Variants in SLC44A5 observed in about 807,000 individuals in gnomAD.
The protein encoded by SLC44A5 is choline transporter-like protein 5.
In SLC44A5, 57 loss-of-function variants were observed where a neutral mutation model predicts 101.8. The ratio of observed to expected loss-of-function variants is 0.56; its 90% CI spans 0.45 to 0.70. The LOEUF is 0.70. SLC44A5 is among the 30% of genes least tolerant of loss of function. The probability of loss-of-function intolerance (pLI) is 0.00; values close to 1 mark genes in which losing one functional copy is unlikely to be tolerated. For synonymous variants in SLC44A5, 281 were observed against 290.9 expected, an observed-to-expected ratio of 0.97 and a Z score of 0.35; for missense variants, 737 against 853.1, an observed-to-expected ratio of 0.86 and a Z score of 1.70.
the SLC44A5 span, among the ~76,000 whole-genome samples, chr1:75,642,831 T>C: frequency 6.6e-6 from 1 of 152,122 alleles, no homozygotes; most frequent in African/African-American, 2.4e-5. Flanking sequence ...AAGAGAACAG[T>C]ACTTTTAAAC....
the SLC44A5 span, among the ~76,000 whole-genome samples, chr1:75,689,931 C>G: frequency 6.6e-6 from 1 of 152,100 alleles, no homozygotes; most frequent in Non-Finnish European, 1.5e-5. Flanking sequence ...CCAATCCCTG[C>G]CTCAGATTCA....
chr1:75,224,158 G>T (rs1647147341), intron 13 of SLC44A5, among the ~76,000 whole-genome samples: 1 of 152,156 alleles, frequency 6.6e-6, no homozygotes, highest in African/African-American at 2.4e-5. Flanking sequence ...AATTCCTATT[G>T]CCCAGTGGCA....
chr1:75,368,887 T>C (rs1288759870), intron 3 of SLC44A5, among the ~76,000 whole-genome samples: 3 of 152,256 alleles, frequency 2.0e-5, no homozygotes, highest in Non-Finnish European at 4.4e-5. Context: ...ATTAAATACA[T>C]ATTAAAATGT....
At chr1:75,423,046 T>C (rs1242917662) in intron 2 of SLC44A5, among the ~76,000 whole-genome samples, 1 of 152,212 alleles carries the variant, frequency 6.6e-6, no homozygotes, top group Non-Finnish European at 1.5e-5. Context: ...GTTCCATTTA[T>C]TGACATTAAA....
intron 2 of SLC44A5, among the ~76,000 whole-genome samples, chr1:75,492,523 C>T (rs1345339837): frequency 2.0e-5 from 3 of 151,710 alleles, no homozygotes; most frequent in Non-Finnish European, 4.4e-5. Flanking sequence ...AGTCCTTTAC[C>T]ACAGAGATTA....
chr1:75,384,702 C>T (rs1470038775), intron 3 of SLC44A5, among the ~76,000 whole-genome samples: 16 of 122,542 alleles, frequency 1.3e-4, no homozygotes, highest in South Asian at 3.1e-4. Flanking sequence ...CTGCACCAAG[C>T]GGACCTAATA....
chr1:75,565,622 G>A (rs1212023217), intron 1 of SLC44A5, among the ~76,000 whole-genome samples: 2 of 152,152 alleles, frequency 1.3e-5, no homozygotes, highest in East Asian at 1.9e-4. Flanking sequence ...ACTCCAGGCA[G>A]TAATGTAGAA....
intron 2 of SLC44A5, among the ~76,000 whole-genome samples, chr1:75,476,519 G>A (rs1020268304): frequency 1.3e-5 from 2 of 152,218 alleles, no homozygotes; most frequent in African/African-American, 4.8e-5. Context: ...GTGACAGACG[G>A]CACCTGGAAA....
At chr1:75,444,869 GTGAAGTACAAA>G (rs1005160370) in intron 2 of SLC44A5, among the ~76,000 whole-genome samples, 33 of 152,250 alleles carry the variant, frequency 2.2e-4, no homozygotes, top group African/African-American at 7.9e-4. Flanking sequence ...TGTTTTCTCT[GTGAAGTACAAA>G]GCAGGGTCAA....
intron 2 of SLC44A5, among the ~76,000 whole-genome samples, chr1:75,468,121 A>ATCATC (rs1247505409): frequency 1.3e-5 from 2 of 152,140 alleles, no homozygotes; most frequent in Non-Finnish European, 2.9e-5. Flanking sequence ...ACAATAAGAT[A>ATCATC]TCATCTCATC....
At chr1:75,418,688 G>C (rs1322399544) in intron 2 of SLC44A5, among the ~76,000 whole-genome samples, 1 of 152,162 alleles carries the variant, frequency 6.6e-6, no homozygotes, top group East Asian at 1.9e-4. Context: ...AGATCATGCA[G>C]GGCCTCTGTG....
chr1:75,693,407 C>T, the SLC44A5 span, among the ~76,000 whole-genome samples: 1 of 152,168 alleles, frequency 6.6e-6, no homozygotes, highest in Non-Finnish European at 1.5e-5. Flanking sequence ...GGGGAACAAA[C>T]CCACTGCCTC....
At position 75,214,670 on chromosome 1, in the gene SLC44A5, T is replaced by C. The variant is rs1026589852; in HGVS notation, c.1737A>G (p.Ile579Met). ...LNRNAYIMIAIYGRNFCRSAK... is the reference protein window; with the variant it reads ...LNRNAYIMIAMYGRNFCRSAK... ...CTGACCTGCAGAAGTTTCTGCCATATATTGCAATCTGAGGAAGACAGTGGC... is the reference window on the plus strand; with the variant it reads ...CTGACCTGCAGAAGTTTCTGCCATACATTGCAATCTGAGGAAGACAGTGGC... The change falls in exon 20 of 24, where the codon ATA becomes ATG. Residue 579 changes from isoleucine (I) to methionine (M), a missense_variant. Transcript: ENST00000370859. The C allele has an allele frequency of 5.6e-6, 9 of 1,610,936 alleles. No homozygotes were observed. Among genetic ancestry groups the C allele is most frequent in the African/African-American group, 1.3e-5 (1 of 74,868 alleles).
At chr1:75,571,090 G>T (rs1008653940) in intron 1 of SLC44A5, among the ~76,000 whole-genome samples, 22 of 152,122 alleles carry the variant, frequency 1.4e-4, no homozygotes, top group Admixed American at 6.5e-4. Flanking sequence ...CACCACAAGC[G>T]CTAATAATCC....
chr1:75,594,207 T>C (rs1674511312), intron 1 of SLC44A5, among the ~76,000 whole-genome samples: 1 of 152,030 alleles, frequency 6.6e-6, no homozygotes, highest in Non-Finnish European at 1.5e-5. Flanking sequence ...TTAAAAATTA[T>C]ACTGAGCCCA....
intron 18 of SLC44A5, among the ~76,000 whole-genome samples, chr1:75,217,082 G>A (rs1033975263): frequency 9.9e-5 from 15 of 151,966 alleles, no homozygotes; most frequent in Non-Finnish European, 2.2e-4. Context: ...TATAGTTTTT[G>A]TGCTTTTGTT....
chr1:75,644,443 C>A, the SLC44A5 span, among the ~76,000 whole-genome samples: 1 of 151,864 alleles, frequency 6.6e-6, no homozygotes, highest in Non-Finnish European at 1.5e-5. Context: ...GACTTTTTAA[C>A]AAAAGTTCAC....
At chr1:75,691,087 A>G in the SLC44A5 span, among the ~76,000 whole-genome samples, 7,325 of 151,930 alleles carry the variant, frequency 0.048, 604 homozygotes, top group African/African-American at 0.17. Flanking sequence ...TTGAGTGTGT[A>G]CTTTTCGCTT....
chr1:75,380,933 G>C (rs1660892101), intron 3 of SLC44A5, among the ~76,000 whole-genome samples: 1 of 82,618 alleles, frequency 1.2e-5, no homozygotes, highest in Non-Finnish European at 2.1e-5. Context: ...ATTTGCCTAG[G>C]GAGAGCACCA....
Sources: gnomAD v4.1 joint callset for allele counts (sites outside exome capture counted in the v4.1 genomes callset) on GRCh38, gnomAD v4.1.1 for gene constraint, MANE v1.5 for transcripts, NCBI Gene and HGNC (gene_info 2026-07-23, HGNC 2026-07-21) for gene names.